Variants in STK3 observed in about 807,000 individuals in gnomAD.
STK3 encodes the protein serine/threonine kinase 3, also known as serine/threonine-protein kinase 3.
A neutral mutation model predicts 58.0 loss-of-function variants in STK3; 41 were observed. The ratio of observed to expected loss-of-function variants is 0.71; its 90% CI spans 0.55 to 0.92. STK3 has a LOEUF of 0.92. Among genes scored for constraint, STK3 ranks in the 40% least tolerant of loss-of-function variants. STK3 has a pLI of 0.00. For missense variants in STK3, 479 were observed against 602.7 expected (o/e 0.79, Z 2.15); for synonymous variants, 170 against 191.0 (o/e 0.89, Z 0.91).
At chr8:98,670,236 G>T (rs905521196) in intron 6 of STK3, among the ~76,000 whole-genome samples, 2 of 152,102 alleles carry the variant, frequency 1.3e-5, no homozygotes, top group African/African-American at 4.8e-5. Context: ...AGGCGTGGTG[G>T]TGTGTGCCTA....
At chr8:98,691,397 T>C (rs186469741) in intron 6 of STK3, among the ~76,000 whole-genome samples, 610 of 152,278 alleles carry the variant, frequency 4.0e-3, no homozygotes, top group Non-Finnish European at 6.6e-3. Flanking sequence ...ACTAAGTCAT[T>C]TGCATAGAAA....
chr8:98,724,078 A>G lies in STK3; in HGVS notation c.352-16767T>C, dbSNP rs563360727. 2.0e-5 allele frequency among the ~76,000 whole-genome samples: 3 copies of G among 152,314 alleles called. No individual in the cohort carries two copies. The East Asian group carries it at 5.8e-4, about 29-fold the overall frequency. On this transcript the variant is annotated intron_variant, in intron 4 of 10. Coordinates refer to ENST00000419617, the MANE Select transcript of STK3 (RefSeq NM_006281.4). ...AGTCTGTTACATGATCACTGTCTTC[A>G]TGACACTCAGAATTTTGTGGGAAGG...
intron 10 of STK3, chr8:98,526,312 C>T (rs1483433905): frequency 6.6e-6 from 1 of 152,236 alleles, no homozygotes; most frequent in Non-Finnish European, 1.5e-5. Flanking sequence ...AACACTTACT[C>T]AAATAGAAAC....
At chr8:98,467,916 TTTAAA>T (rs1563632417) in intron 10 of STK3, among the ~76,000 whole-genome samples, 1 of 152,232 alleles carries the variant, frequency 6.6e-6, no homozygotes, top group Non-Finnish European at 1.5e-5. Context: ...AGTCTAACAA[TTTAAA>T]TTATACTATC....
chr8:98,609,884 T>C lies in STK3; in HGVS notation c.685-13715A>G, dbSNP rs181315063. ...CTGAGGCAGGAGAATGGCATGAATC[T>C]GGGAGGTGGAGCTTGCAGTGAGCCG... On this transcript the variant is annotated intron_variant, in intron 6 of 10. Transcript: ENST00000419617. 9.3e-3 allele frequency among the ~76,000 whole-genome samples: 1,395 copies of C among 150,054 alleles called. 18 individuals are homozygous for C. Among genetic ancestry groups the C allele is most frequent in the African/African-American group, 0.032 (1,318 of 40,778 alleles).
intron 7 of STK3, among the ~76,000 whole-genome samples, chr8:98,584,500 T>G (rs201445342): frequency 4.5e-4 from 69 of 152,140 alleles, no homozygotes; most frequent in Admixed American, 6.6e-4. Context: ...GTCTATCATT[T>G]TTGGACATGT....
chr8:98,595,925 T>G, intron 7 of STK3, 107 bp downstream of exon 7: 4 of 1,289,368 alleles, frequency 3.1e-6, no homozygotes, highest in South Asian at 1.9e-5. Context: ...GGAGGGGAGG[T>G]TTACATCTTT....
intron 1 of STK3, among the ~76,000 whole-genome samples, chr8:98,786,877 C>A (rs1233755431): frequency 1.3e-5 from 2 of 152,006 alleles, no homozygotes; most frequent in Non-Finnish European, 2.9e-5. Flanking sequence ...ACTCACCAGG[C>A]CGTCCAAGGT....
chr8:98,672,162 G>A (rs996446275), intron 6 of STK3, among the ~76,000 whole-genome samples: 9 of 151,962 alleles, frequency 5.9e-5, no homozygotes, highest in African/African-American at 2.2e-4. Context: ...GCCCAGGCTG[G>A]TCTTGAACTC....
At chr8:98,429,418 G>C (rs768186161) in intron 3 of STK3, 1 of 1,595,022 alleles carries the variant, frequency 6.3e-7, no homozygotes, top group African/African-American at 1.3e-5. Context: ...CGTTAGCCGG[G>C]AGGACTTGTC....
At chr8:98,541,676 A>G (rs1434082508) in intron 9 of STK3, among the ~76,000 whole-genome samples, 1 of 152,202 alleles carries the variant, frequency 6.6e-6, no homozygotes, top group Non-Finnish European at 1.5e-5. Context: ...TTGCACTCTC[A>G]TAACAGGACC....
At chr8:98,777,833 A>T (rs1330847502) in intron 1 of STK3, among the ~76,000 whole-genome samples, 2 of 152,210 alleles carry the variant, frequency 1.3e-5, no homozygotes, top group Non-Finnish European at 2.9e-5. Flanking sequence ...CATATGTAGA[A>T]AGCTGAAACT....
At chr8:98,524,007 C>A (rs1825569895) in intron 10 of STK3, among the ~76,000 whole-genome samples, 1 of 152,242 alleles carries the variant, frequency 6.6e-6, no homozygotes, top group South Asian at 2.1e-4. Context: ...AGATCTTTGG[C>A]CCATTTTGAA....
At chr8:98,618,319 T>C (rs1213611519) in intron 6 of STK3, among the ~76,000 whole-genome samples, 2 of 147,886 alleles carry the variant, frequency 1.4e-5, no homozygotes, top group East Asian at 4.0e-4. Flanking sequence ...TATTTCAAAA[T>C]AATAAGAGCT....
At position 98,652,248 on chromosome 8, in the gene STK3, G is replaced by T. The variant is rs559964655; in HGVS notation, c.684+54219C>A. Among the ~76,000 whole-genome samples the T allele has an allele frequency of 4.6e-5, 7 of 152,238 alleles. No homozygotes were observed. The East Asian group carries it at 9.7e-4, about 21-fold the overall frequency. On this transcript the variant is annotated intron_variant, in intron 6 of 10. Transcript: ENST00000419617. Reference sequence around the variant, plus strand: ...GCCAAACTAAGCTTCATAAGTGAAGGAGAAATAAAATCCTTTACAGAAAAG... The same window carrying T: ...GCCAAACTAAGCTTCATAAGTGAAGTAGAAATAAAATCCTTTACAGAAAAG...
intron 4 of STK3, among the ~76,000 whole-genome samples, chr8:98,714,807 A>C (rs2131141427): frequency 6.6e-6 from 1 of 152,312 alleles, no homozygotes. Flanking sequence ...GGAACCCAAA[A>C]AGAGCCCGCA....
rs551532543 is a variant in STK3 at position 98,661,829 on chromosome 8, T to TAGCA, written c.684+44637_684+44638insTGCT. ...CTCTGATTAGAAAAACCTTACTTTG[T>TAGCA]CTACCCCCATCTCTACTTCTTTAGT... On this transcript the variant is annotated intron_variant, in intron 6 of 10. Transcript: ENST00000419617. Among the ~76,000 whole-genome samples the TAGCA allele has an allele frequency of 9.2e-3, 1,407 of 152,190 alleles. 16 individuals are homozygous for TAGCA. Among genetic ancestry groups the TAGCA allele is most frequent in the African/African-American group, 0.032 (1,332 of 41,548 alleles).
intron 8 of STK3, among the ~76,000 whole-genome samples, chr8:98,562,531 G>A (rs1812128191): frequency 6.6e-6 from 1 of 151,752 alleles, no homozygotes; most frequent in South Asian, 2.1e-4. Context: ...ATTATGTGAA[G>A]CACAATGGAT....
Position 98,568,017 on chromosome 8 carries a change from C to T in STK3, c.948+11647G>A, listed in dbSNP as rs561843007. Among the ~76,000 whole-genome samples the T allele has an allele frequency of 2.0e-5, 3 of 151,966 alleles. No homozygotes were observed. In the East Asian group the frequency reaches 5.8e-4, roughly 29 times the overall value. On this transcript the variant is annotated intron_variant, in intron 8 of 10. Transcript: ENST00000419617. ...AGGTTGCAGTGAGCTGAGATCACAC[C>T]ACTGCACTCCAGCCTGAGCAGCAGA...
Sources: gnomAD v4.1 joint callset for allele counts (sites outside exome capture counted in the v4.1 genomes callset) on GRCh38, gnomAD v4.1.1 for gene constraint, MANE v1.5 for transcripts, NCBI Gene and HGNC (gene_info 2026-07-23, HGNC 2026-07-21) for gene names.